Variants in EML6 observed in about 807,000 individuals in gnomAD.
The protein encoded by EML6 is EMAP like 6.
Under a neutral mutation model 240.1 loss-of-function variants are expected in EML6, and 154 were observed. That is an observed-to-expected ratio of 0.64 (90% CI 0.56 to 0.73). EML6 has a LOEUF of 0.73. EML6 is among the 30% of genes least tolerant of loss of function. The pLI, the probability that EML6 is intolerant of heterozygous loss-of-function variation, is 0.00. For missense variants in EML6, 2,964 were observed against 2,474.6 expected, an observed-to-expected ratio of 1.20 and a Z score of -4.20; for synonymous variants, 1,148 against 899.0, an observed-to-expected ratio of 1.28 and a Z score of -4.95.
chr2:54,862,751 A>T (rs1302398981), intron 12 of EML6, among the ~76,000 whole-genome samples: 1 of 152,240 alleles, frequency 6.6e-6, no homozygotes, highest in East Asian at 1.9e-4. Context: ...GCAGAGCATT[A>T]TAAGTAGTCA....
chr2:54,858,895 A>T (rs750612046), intron 11 of EML6, among the ~76,000 whole-genome samples: 2 of 152,180 alleles, frequency 1.3e-5, no homozygotes, highest in African/African-American at 4.8e-5. Context: ...GAAATCTACC[A>T]TGGACTTTGG....
chr2:54,760,822 ATTTTTTTTTTTTT>A (rs200476039), intron 2 of EML6, among the ~76,000 whole-genome samples: 220 of 120,406 alleles, frequency 1.8e-3, no homozygotes, highest in Non-Finnish European at 2.7e-3. Flanking sequence ...TTGAGGGAGC[ATTTTTTTTTTTTT>A]TTTTTTTTTT....
At position 54,957,919 on chromosome 2, in the gene EML6, C is replaced by G. The variant is rs1042984321; in HGVS notation, c.4616C>G (p.Ala1539Gly). ...AAGTTCTGGACCCTGGCAGGCAGCGCCTTGCTTTACAAGAAAGGGGTCATC... is the reference window on the plus strand; with the variant it reads ...AAGTTCTGGACCCTGGCAGGCAGCGGCTTGCTTTACAAGAAAGGGGTCATC... ...HMKFWTLAGS[A>G]LLYKKGVIGS... Residue 1539 changes from alanine to glycine, a missense_variant, in exon 33 of 42, where the codon GCC (alanine) becomes GGC (glycine). Coordinates refer to ENST00000356458, the MANE Select transcript of EML6 (RefSeq NM_001039753.4). 1 of 1,551,564 alleles carries G rather than the reference C, an allele frequency of 6.4e-7. No individual in the cohort carries two copies. The highest frequency in any genetic ancestry group is 8.7e-7 in the Non-Finnish European group (1 of 1,147,012).
At position 54,903,098 on chromosome 2, in the gene EML6, A is replaced by C; in HGVS notation, c.3179A>C (p.Asn1060Thr). The change falls in exon 23 of 42, where the codon AAC becomes ACC. Residue 1060 changes from asparagine to threonine, a missense_variant. Physicochemically the swap from Asn to Thr is moderately conservative, Grantham distance 65. Transcript: ENST00000356458. ...GGGAAAGCCTTAGCGGTTGGCTTGA[A>C]CGATGGGAGTTTCCTGGTGGTAAAT... ...PDGKALAVGL[N>T]DGSFLVVNAD... is the part of the protein sequence containing the mutation. The C allele has an allele frequency of 6.4e-7, 1 of 1,551,832 alleles. No homozygotes were observed. Among genetic ancestry groups the C allele is most frequent in the Non-Finnish European group, 8.7e-7 (1 of 1,146,998 alleles).
At chr2:54,777,018 A>G (rs946663630) in intron 2 of EML6, among the ~76,000 whole-genome samples, 7 of 152,110 alleles carry the variant, frequency 4.6e-5, no homozygotes, top group Non-Finnish European at 1.0e-4. Context: ...ATTCCGTTTC[A>G]TTAGGGTCTC....
intron 18 of EML6, among the ~76,000 whole-genome samples, chr2:54,891,573 C>G (rs1168690693): frequency 1.3e-5 from 2 of 151,944 alleles, no homozygotes; most frequent in Non-Finnish European, 2.9e-5. Flanking sequence ...AATAGGTGGT[C>G]CAATAAATAT....
intron 28 of EML6, among the ~76,000 whole-genome samples, chr2:54,941,791 C>T (rs534315442): frequency 2.0e-4 from 31 of 152,370 alleles, no homozygotes; most frequent in Middle Eastern, 3.4e-3. Context: ...AGGAGCACTC[C>T]TGCTCCAGAG....
intron 3 of EML6, among the ~76,000 whole-genome samples, chr2:54,813,681 T>A (rs1667960195): frequency 6.6e-6 from 1 of 152,204 alleles, no homozygotes. Flanking sequence ...TAATTCTACT[T>A]TGTTGTCTGT....
chr2:54,917,984 T>C (rs1674020097), intron 26 of EML6, among the ~76,000 whole-genome samples: 1 of 152,210 alleles, frequency 6.6e-6, no homozygotes, highest in Non-Finnish European at 1.5e-5. Flanking sequence ...TTGTGTTAAA[T>C]CAAACTAAAA....
At chr2:54,901,488 C>G (rs767151928) in intron 22 of EML6, among the ~76,000 whole-genome samples, 1 of 152,176 alleles carries the variant, frequency 6.6e-6, no homozygotes, top group Non-Finnish European at 1.5e-5. Context: ...ACTTTATTCT[C>G]TAAGTTAAAA....
chr2:54,900,153 A>T (rs987754200), intron 22 of EML6, among the ~76,000 whole-genome samples: 4 of 152,240 alleles, frequency 2.6e-5, no homozygotes, highest in African/African-American at 9.6e-5. Context: ...TTGAAAACAA[A>T]CATCAATTAT....
intron 24 of EML6, among the ~76,000 whole-genome samples, chr2:54,903,932 G>A (rs969281815): frequency 2.0e-5 from 3 of 152,110 alleles, no homozygotes; most frequent in Non-Finnish European, 4.4e-5. Flanking sequence ...TCCAGCAGAG[G>A]TAGAAATCTA....
chr2:54,966,905 C>T (rs988511216), intron 38 of EML6, 95 bp from the exon 39 acceptor site: 18 of 756,876 alleles, frequency 2.4e-5, no homozygotes, highest in Non-Finnish European at 4.0e-5. Context: ...CCTAGGGATG[C>T]AGAGGCTGGG....
chr2:54,895,242 A>G lies in EML6; in HGVS notation c.2855-31A>G, dbSNP rs184359858. Reference sequence around the variant, plus strand: ...ATACTAATAAGCAGTTGTTTTTGTTATTGTGTTAAATATACCATCCCCTTC... The same window carrying G: ...ATACTAATAAGCAGTTGTTTTTGTTGTTGTGTTAAATATACCATCCCCTTC... On this transcript the variant is annotated intron_variant, in intron 20 of 41. Transcript: ENST00000356458. 4.3e-5 allele frequency: 67 copies of G among 1,548,964 alleles called. No individual in the cohort carries two copies. In the East Asian group the frequency reaches 4.6e-4, roughly 11 times the overall value.
At chr2:54,747,651 G>T (rs968438940) in intron 2 of EML6, among the ~76,000 whole-genome samples, 1 of 152,166 alleles carries the variant, frequency 6.6e-6, no homozygotes, top group Non-Finnish European at 1.5e-5. Context: ...AGTGGTAATT[G>T]TAAGGGAAAT....
At chr2:54,950,171 A>G (rs753032193) in intron 29 of EML6, among the ~76,000 whole-genome samples, 1 of 152,310 alleles carries the variant, frequency 6.6e-6, no homozygotes, top group South Asian at 2.1e-4. Context: ...GCAAATATGT[A>G]GCAACTTTGT....
intron 2 of EML6, among the ~76,000 whole-genome samples, chr2:54,753,827 A>G (rs1684281079): frequency 1.3e-5 from 2 of 151,838 alleles, no homozygotes; most frequent in South Asian, 4.2e-4. Flanking sequence ...GCACATCACC[A>G]TGTCTGGCTA....
chr2:54,738,110 G>T (rs1417730986), intron 2 of EML6, among the ~76,000 whole-genome samples: 3 of 150,764 alleles, frequency 2.0e-5, no homozygotes, highest in Admixed American at 6.6e-5. Context: ...GCACATCCTT[G>T]TTTTTTTTTC....
intron 2 of EML6, among the ~76,000 whole-genome samples, chr2:54,781,224 G>A (rs1471014664): frequency 6.6e-6 from 1 of 152,212 alleles, no homozygotes; most frequent in Non-Finnish European, 1.5e-5. Context: ...GCTAGTGAGT[G>A]GCAGGCTGGC....
Sources: gnomAD v4.1 joint callset for allele counts (sites outside exome capture counted in the v4.1 genomes callset) on GRCh38, gnomAD v4.1.1 for gene constraint, MANE v1.5 for transcripts, NCBI Gene and HGNC (gene_info 2026-07-23, HGNC 2026-07-21) for gene names.